The following RBFOX3 variants were observed in gnomAD, a reference collection of about 807,000 sequenced individuals.
RBFOX3 encodes the protein RNA binding protein fox-1 homolog 3.
RBFOX3 carries 17 observed loss-of-function variants against 48.7 expected under a neutral mutation model. The observed-to-expected ratio is 0.35, with a 90% CI of 0.24 to 0.52. The LOEUF is 0.52. Ranked by LOEUF, RBFOX3 falls within the 20% of genes least tolerant of loss-of-function variation. The probability of loss-of-function intolerance (pLI) is 0.94; values close to 1 mark genes in which losing one functional copy is unlikely to be tolerated. For missense variants in RBFOX3, 382 were observed against 497.5 expected (o/e 0.77, Z 2.21); for synonymous variants, 212 against 209.5 (o/e 1.01, Z -0.10).
At chr17:79,194,240 G>A (rs2055093220) in intron 4 of RBFOX3, among the ~76,000 whole-genome samples, 1 of 152,184 alleles carries the variant, frequency 6.6e-6, no homozygotes, top group African/African-American at 2.4e-5. Context: ...GTGGCTGAGA[G>A]GTGGAGCAGG....
intron 3 of RBFOX3, among the ~76,000 whole-genome samples, chr17:79,267,428 T>C (rs1231313293): frequency 4.6e-5 from 7 of 152,064 alleles, no homozygotes; most frequent in African/African-American, 1.7e-4. Context: ...CCTTGCTCTG[T>C]TGCCCAGGCT....
intron 2 of RBFOX3, among the ~76,000 whole-genome samples, chr17:79,374,038 C>G (rs1243587567): frequency 2.0e-5 from 3 of 152,074 alleles, no homozygotes; most frequent in African/African-American, 7.2e-5. Context: ...AATTTTTGGA[C>G]TTTTAGTAGA....
At chr17:79,283,197 T>C (rs1412233018) in intron 3 of RBFOX3, among the ~76,000 whole-genome samples, 2 of 152,108 alleles carry the variant, frequency 1.3e-5, no homozygotes, top group African/African-American at 4.8e-5. Flanking sequence ...TTCGTGTTCA[T>C]AGCTTCTAGA....
At chr17:79,439,321 GAT>G (rs2070316250) in intron 2 of RBFOX3, among the ~76,000 whole-genome samples, 1 of 152,234 alleles carries the variant, frequency 6.6e-6, no homozygotes, top group African/African-American at 2.4e-5. Context: ...GTTTAAGTAA[GAT>G]AGAGCGAAAT....
At chr17:79,648,287 G>T in the RBFOX3 span, among the ~76,000 whole-genome samples, 3 of 152,292 alleles carry the variant, frequency 2.0e-5, no homozygotes, top group African/African-American at 7.2e-5. Flanking sequence ...CGGTGCAGAT[G>T]ACGTGGGTAA....
At chr17:79,560,766 C>T (rs1599159368) in intron 1 of RBFOX3, among the ~76,000 whole-genome samples, 5 of 152,206 alleles carry the variant, frequency 3.3e-5, no homozygotes, top group South Asian at 2.1e-4. Context: ...ACGGCCAGCG[C>T]GAGAGCTGCA....
At chr17:79,369,378 A>ACCGTGACCCTTG (rs2058219156) in intron 2 of RBFOX3, among the ~76,000 whole-genome samples, 1 of 150,002 alleles carries the variant, frequency 6.7e-6, no homozygotes, top group South Asian at 2.1e-4. Flanking sequence ...CTGGACCCTG[A>ACCGTGACCCTTG]CCGTGACCCT....
intron 2 of RBFOX3, among the ~76,000 whole-genome samples, chr17:79,395,198 C>A (rs183376002): frequency 6.6e-6 from 1 of 152,348 alleles, no homozygotes; most frequent in Admixed American, 6.5e-5. Context: ...TCATTTGCAG[C>A]CACGATGAGC....
In RBFOX3 at chr17:79,328,707, G is replaced by A. The variant is rs149939236; in HGVS notation, c.-174-20883C>T. On this transcript the variant is annotated intron_variant, in intron 2 of 14. Transcript: ENST00000693108. ...CCAAGCAAACTGCTGGCAACAGAGC[G>A]ATGGAAGGGGGAGTATCTCTCTCCA... Among the ~76,000 whole-genome samples the A allele has an allele frequency of 4.8e-3, 738 of 152,304 alleles. 7 individuals carry two copies. Among genetic ancestry groups the A allele is most frequent in the African/African-American group, 0.017 (693 of 41,562 alleles).
At chr17:79,183,722 T>C (rs918869749) in intron 4 of RBFOX3, among the ~76,000 whole-genome samples, 6 of 152,264 alleles carry the variant, frequency 3.9e-5, no homozygotes, top group Admixed American at 1.3e-4. Flanking sequence ...TGCGCGCGTG[T>C]GCGCGCGTGT....
Position 79,198,081 on chromosome 17 carries a change from C to A in RBFOX3, c.-34+37685G>T, listed in dbSNP as rs1296092515. On this transcript the variant is annotated intron_variant, in intron 4 of 14. Transcript: ENST00000693108. This position sits in a 1 kb window ranked among gnomAD's most constrained non-coding sequence, Gnocchi z 8.2. ...AGTCGTGTGGGGTGGGCTTGTCATCCCGGAAGTGCTACGGTTGCATCGTGT... is the reference window on the plus strand; with the variant it reads ...AGTCGTGTGGGGTGGGCTTGTCATCACGGAAGTGCTACGGTTGCATCGTGT... 6.7e-6 allele frequency among the ~76,000 whole-genome samples: 1 copy of A among 148,150 alleles called. No individual in the cohort carries two copies. The highest frequency in any genetic ancestry group is 1.5e-5 in the Non-Finnish European group (1 of 67,020).
intron 3 of RBFOX3, among the ~76,000 whole-genome samples, chr17:79,295,253 C>T (rs544730574): frequency 3.3e-5 from 5 of 152,320 alleles, no homozygotes; most frequent in African/African-American, 1.2e-4. Context: ...GCTAGAAATG[C>T]ATTTAAAGGC....
intron 4 of RBFOX3, among the ~76,000 whole-genome samples, chr17:79,179,264 C>A (rs575018498): frequency 6.6e-6 from 1 of 152,246 alleles, no homozygotes; most frequent in Non-Finnish European, 1.5e-5. Flanking sequence ...CCCTGCCCCT[C>A]GGCGGAGCCT....
intron 1 of RBFOX3, among the ~76,000 whole-genome samples, chr17:79,487,130 C>T (rs2079727751): frequency 6.6e-6 from 1 of 152,200 alleles, no homozygotes; most frequent in South Asian, 2.1e-4. Flanking sequence ...GAGGCATGTT[C>T]ACCCAGCCTG....
upstream of RBFOX3, among the ~76,000 whole-genome samples, chr17:79,614,444 C>T (rs1476501046): frequency 6.7e-6 from 1 of 149,802 alleles, no homozygotes; most frequent in South Asian, 2.1e-4. Flanking sequence ...GCACAGGCCC[C>T]ACTCCCTGCT....
chr17:79,542,916 A>G (rs191951431), intron 1 of RBFOX3, among the ~76,000 whole-genome samples: 3 of 152,298 alleles, frequency 2.0e-5, no homozygotes, highest in African/African-American at 4.8e-5. Flanking sequence ...CGTGTTTTAC[A>G]TGCTTTGTCC....
rs1220301621 is a variant in RBFOX3, at chr17:79,423,690, G to C, written c.-175+58764C>G. 2 of 153,544 alleles carry C rather than the reference G, an allele frequency of 1.3e-5. No homozygotes were observed. Among genetic ancestry groups the C allele is most frequent in the African/African-American group, 4.8e-5 (2 of 41,374 alleles). The allele number at this position is 153,544 out of a possible 1,614,324, so 9.5% of individuals were successfully genotyped here. ...CGACCACCCCGTGCCCACAGACAAG[G>C]TCAGCTCAATACATACTTGTTCAAG... On this transcript the variant is annotated intron_variant, in intron 2 of 14. Coordinates refer to ENST00000693108, the MANE Select transcript of RBFOX3 (RefSeq NM_001350451.2). This position sits in a 1 kb window ranked among gnomAD's most constrained non-coding sequence, Gnocchi z 4.9.
chr17:79,620,230 C>T, the RBFOX3 span, among the ~76,000 whole-genome samples: 1 of 151,486 alleles, frequency 6.6e-6, no homozygotes, highest in Non-Finnish European at 1.5e-5. Context: ...GACATGCACA[C>T]ACGCACATGC....
intron 1 of RBFOX3, among the ~76,000 whole-genome samples, chr17:79,512,473 G>A (rs1382836984): frequency 9.0e-4 from 124 of 138,168 alleles, no homozygotes; most frequent in Admixed American, 5.4e-3. Flanking sequence ...ATATACACCC[G>A]GATACATATT....
Sources: allele counts gnomAD v4.1 joint callset (sites outside exome capture counted in the v4.1 genomes callset), GRCh38; gene constraint gnomAD v4.1.1; non-coding constraint Gnocchi (gnomAD v3.1); transcripts MANE v1.5; gene names NCBI Gene and HGNC (gene_info 2026-07-23, HGNC 2026-07-21).